SPRED2: variants seen among roughly 807,000 people sequenced by gnomAD.
SPRED2 encodes the protein sprouty-related, EVH1 domain-containing protein 2.
SPRED2 carries 47 observed loss-of-function variants against 43.0 expected under a neutral mutation model. That is an observed-to-expected ratio of 1.09 (90% CI 0.87 to 1.40). The LOEUF is 1.40. SPRED2 is among the 40% of genes most tolerant of loss of function. SPRED2 has a pLI of 0.00. For synonymous variants in SPRED2, 225 were observed against 225.7 expected (o/e 1.00, Z 0.03); for missense variants, 561 against 586.4 (o/e 0.96, Z 0.45).
chr2:65,430,633 T>G (rs1029866358), intron 1 of SPRED2, among the ~76,000 whole-genome samples: 1 of 152,006 alleles, frequency 6.6e-6, no homozygotes, highest in African/African-American at 2.4e-5. Context: ...ACCTGGGGCC[T>G]CCGGAGCACG....
At chr2:65,356,794 C>T (rs979784691) in intron 1 of SPRED2, among the ~76,000 whole-genome samples, 15 of 151,954 alleles carry the variant, frequency 9.9e-5, no homozygotes, top group African/African-American at 3.4e-4. Context: ...GAGTTCCAGA[C>T]CAACCTGGCC....
chr2:65,330,714 A>G (rs778398476), intron 4 of SPRED2, among the ~76,000 whole-genome samples: 2 of 152,232 alleles, frequency 1.3e-5, no homozygotes, highest in Non-Finnish European at 2.9e-5. Flanking sequence ...TGCATCTGCC[A>G]TTACGGTGAC....
chr2:65,389,243 C>T (rs966757156), intron 1 of SPRED2, among the ~76,000 whole-genome samples: 3 of 140,192 alleles, frequency 2.1e-5, no homozygotes, highest in South Asian at 2.3e-4. Flanking sequence ...CATGCTCAAC[C>T]TTTTTTTTTT....
chr2:65,327,289 T>G (rs945287701), intron 4 of SPRED2, among the ~76,000 whole-genome samples: 2 of 152,180 alleles, frequency 1.3e-5, no homozygotes, highest in Non-Finnish European at 2.9e-5. Flanking sequence ...GAATAAATAC[T>G]CTGTATGAAT....
Position 65,432,026 on chromosome 2 carries a change from C to A in SPRED2, c.-39G>T. 1 of 1,613,472 alleles carries A rather than the reference C, an allele frequency of 6.2e-7. No individual in the cohort carries two copies. Among genetic ancestry groups the A allele is most frequent in the Non-Finnish European group, 8.5e-7 (1 of 1,179,862 alleles). ...TAGACGCCTGTCCCGCGGCGGGCAG[C>A]TTTGCTCCCTTCATCTTCCTGTCCG... is the stretch of plus-strand genomic sequence containing the variant. On this transcript the variant is annotated 5_prime_UTR_variant, in exon 1 of 6. Coordinates refer to ENST00000356388, the MANE Select transcript of SPRED2 (RefSeq NM_181784.3).
At position 65,310,993 on chromosome 2, in the gene SPRED2, A is replaced by C. The variant is rs1474019218; in HGVS notation, c.*2508T>G. The C allele has an allele frequency of 1.0e-5, 10 of 983,760 alleles. No homozygotes were observed. 60.9% of individuals were successfully genotyped at this position (983,760 alleles called of 1,614,324 possible). A position where few individuals can be genotyped will look rare whatever the true frequency, so the allele number is the denominator to read the frequency against. On this transcript the variant is annotated 3_prime_UTR_variant, in exon 6 of 6. Coordinates refer to ENST00000356388, the MANE Select transcript of SPRED2 (RefSeq NM_181784.3). Reference sequence around the variant, plus strand: ...TATATATTTTTTACACAGAGGTAAAAAGGCTTATTATAAAAAAATCAATAC... The same window carrying C: ...TATATATTTTTTACACAGAGGTAAACAGGCTTATTATAAAAAAATCAATAC...
intron 1 of SPRED2, among the ~76,000 whole-genome samples, chr2:65,356,137 A>G (rs147289535): frequency 6.6e-6 from 1 of 152,190 alleles, no homozygotes; most frequent in South Asian, 2.1e-4. Flanking sequence ...TTTCTTTCAC[A>G]TTATTGGAGA....
chr2:65,308,538 G>A (rs998880882), downstream of SPRED2: 37 of 985,330 alleles, frequency 3.8e-5, no homozygotes, highest in Non-Finnish European at 4.1e-5. Flanking sequence ...CCTTGAAAGA[G>A]GTTGTTCTCT....
chr2:65,415,901 C>G (rs1676262300), intron 1 of SPRED2, among the ~76,000 whole-genome samples: 1 of 152,242 alleles, frequency 6.6e-6, no homozygotes, highest in East Asian at 1.9e-4. Context: ...AGAAAAGGAG[C>G]AACATTCCTC....
At chr2:65,325,918 G>A (rs1558651621) in intron 4 of SPRED2, among the ~76,000 whole-genome samples, 1 of 152,002 alleles carries the variant, frequency 6.6e-6, no homozygotes, top group Non-Finnish European at 1.5e-5. Flanking sequence ...GGGAGGCGGA[G>A]GTTACATTGA....
chr2:65,345,503 T>C (rs989222368), intron 1 of SPRED2, among the ~76,000 whole-genome samples: 2 of 152,128 alleles, frequency 1.3e-5, no homozygotes, highest in Non-Finnish European at 2.9e-5. Flanking sequence ...TCAGGTGATT[T>C]ACCCATGTTG....
chr2:65,334,244 C>T (rs567214560), intron 3 of SPRED2: 25 of 474,246 alleles, frequency 5.3e-5, no homozygotes, highest in African/African-American at 2.2e-4. Flanking sequence ...CTTCTGGGCC[C>T]GCCAGAATCC....
chr2:65,322,991 G>A (rs1673476315), intron 4 of SPRED2, among the ~76,000 whole-genome samples: 1 of 152,050 alleles, frequency 6.6e-6, no homozygotes, highest in Non-Finnish European at 1.5e-5. Context: ...AATATGTGAT[G>A]TGATTTATTT....
chr2:65,416,203 G>A (rs1676268637), intron 1 of SPRED2, among the ~76,000 whole-genome samples: 1 of 152,232 alleles, frequency 6.6e-6, no homozygotes, highest in Non-Finnish European at 1.5e-5. Flanking sequence ...GTCTACGGAT[G>A]AGAAAGGTTA....
intron 1 of SPRED2, among the ~76,000 whole-genome samples, chr2:65,352,075 T>A (rs1385135239): frequency 2.0e-5 from 3 of 152,250 alleles, no homozygotes; most frequent in Admixed American, 1.3e-4. Context: ...CCAAAATATG[T>A]ACTGTTTGTG....
intron 5 of SPRED2, 32 bp downstream of exon 5, chr2:65,316,702 G>C (rs1472004294): frequency 6.3e-7 from 1 of 1,588,854 alleles, no homozygotes; most frequent in Non-Finnish European, 8.6e-7. Context: ...GCACCACCCT[G>C]ATGCCCTCAG....
intron 1 of SPRED2, among the ~76,000 whole-genome samples, chr2:65,406,681 A>G (rs1331880933): frequency 6.6e-6 from 1 of 152,248 alleles, no homozygotes; most frequent in East Asian, 1.9e-4. Flanking sequence ...TTAGCACATC[A>G]GCCCACCTTG....
At chr2:65,394,740 G>A (rs1051276554) in intron 1 of SPRED2, among the ~76,000 whole-genome samples, 8 of 152,162 alleles carry the variant, frequency 5.3e-5, no homozygotes, top group East Asian at 1.9e-4. Flanking sequence ...TCTATTTCCC[G>A]GGACACTGAA....
chr2:65,379,990 G>T (rs1675334524), intron 1 of SPRED2, among the ~76,000 whole-genome samples: 1 of 152,138 alleles, frequency 6.6e-6, no homozygotes, highest in African/African-American at 2.4e-5. Flanking sequence ...TGCTCTGTCC[G>T]TGGCACTATA....
Sources: gnomAD v4.1 joint callset for allele counts (sites outside exome capture counted in the v4.1 genomes callset) on GRCh38, gnomAD v4.1.1 for gene constraint, MANE v1.5 for transcripts, NCBI Gene and HGNC (gene_info 2026-07-23, HGNC 2026-07-21) for gene names.